The following RNGTT variants were observed in gnomAD, a reference collection of about 807,000 sequenced individuals.
RNGTT encodes the protein RNA guanylyltransferase and 5'-phosphatase, also known as mRNA-capping enzyme.
In RNGTT, 33 loss-of-function variants were observed where a neutral mutation model predicts 79.3. The observed-to-expected ratio is 0.42, with a 90% CI of 0.32 to 0.56. RNGTT has a LOEUF of 0.56. RNGTT is among the 20% of genes least tolerant of loss of function. The probability of loss-of-function intolerance (pLI) is 0.17; values close to 1 mark genes in which losing one functional copy is unlikely to be tolerated. For missense variants in RNGTT, 497 were observed against 739.1 expected (o/e 0.67, Z 3.80); for synonymous variants, 222 against 235.9 (o/e 0.94, Z 0.54).
At chr6:88,893,872 T>G (rs1047175034) in intron 6 of RNGTT, among the ~76,000 whole-genome samples, 2 of 152,182 alleles carry the variant, frequency 1.3e-5, no homozygotes, top group African/African-American at 2.4e-5. Context: ...TAGGCTAACA[T>G]AATTTGCTAT....
chr6:88,935,235 G>A (rs1784629828), intron 2 of RNGTT, among the ~76,000 whole-genome samples: 1 of 152,136 alleles, frequency 6.6e-6, no homozygotes, highest in African/African-American at 2.4e-5. Context: ...TCAGTTGGCT[G>A]TAAATGCATG....
chr6:88,897,504 C>T (rs1486885804), intron 6 of RNGTT, among the ~76,000 whole-genome samples: 1 of 152,172 alleles, frequency 6.6e-6, no homozygotes. Context: ...ACTTCACTAG[C>T]TCCTTATCCA....
At chr6:88,961,440 CT>C (rs1269934487) in intron 1 of RNGTT, among the ~76,000 whole-genome samples, 3,976 of 144,480 alleles carry the variant, frequency 0.028, 133 homozygotes, top group African/African-American at 0.089. Context: ...GTACAAATTA[CT>C]TTTTTTTTTT....
In RNGTT at chr6:88,941,981, C is replaced by T. The variant is rs537917605; in HGVS notation, c.65-801G>A. ...GACTGCAGGTGCACACCACCATAAC[C>T]AGCTAATTTTTTTGCTGGGGGGAGC... On this transcript the variant is annotated intron_variant, in intron 1 of 15. Coordinates refer to ENST00000369485, the MANE Select transcript of RNGTT (RefSeq NM_003800.5). Among the ~76,000 whole-genome samples, 143 of 152,148 alleles carry T rather than the reference C, an allele frequency of 9.4e-4. 6 individuals carry two copies. In the South Asian group the frequency reaches 0.029, roughly 31 times the overall value.
chr6:88,642,366 T>A (rs1265476798), intron 14 of RNGTT, among the ~76,000 whole-genome samples: 1 of 152,198 alleles, frequency 6.6e-6, no homozygotes. Context: ...CAGAACACTT[T>A]AAGAAGGTAG....
chr6:88,877,710 T>G (rs1330682601), intron 8 of RNGTT, among the ~76,000 whole-genome samples: 1 of 152,144 alleles, frequency 6.6e-6, no homozygotes, highest in African/African-American at 2.4e-5. Context: ...GTCCTTCTTT[T>G]TAAACCAATT....
intron 12 of RNGTT, among the ~76,000 whole-genome samples, chr6:88,771,403 A>G (rs893075208): frequency 5.4e-5 from 8 of 148,642 alleles, no homozygotes; most frequent in Admixed American, 6.7e-5. Context: ...TTGCATTAAC[A>G]TATATGTCTT....
rs192564947 is a variant in RNGTT, at chr6:88,811,446, T to C, written c.1270-9814A>G. Among the ~76,000 whole-genome samples the C allele has an allele frequency of 7.2e-5, 11 of 152,266 alleles. No individual in the cohort carries two copies. The East Asian group carries it at 1.9e-3, about 27-fold the overall frequency. ...GGAGGAACTGACAAAGGTTACCATA[T>C]GATTGACTCTGAGTTGATGTTTTAT... is the stretch of plus-strand genomic sequence containing the variant. On this transcript the variant is annotated intron_variant, in intron 11 of 15. Transcript: ENST00000369485.
chr6:88,912,618 A>C (rs73506539), intron 4 of RNGTT, among the ~76,000 whole-genome samples: 1,808 of 152,264 alleles, frequency 0.012, 34 homozygotes, highest in African/African-American at 0.042. Flanking sequence ...TGGAAAGGAT[A>C]AACAAGATTG....
At chr6:88,935,468 C>T (rs1329785441) in intron 2 of RNGTT, among the ~76,000 whole-genome samples, 2 of 152,118 alleles carry the variant, frequency 1.3e-5, no homozygotes, top group South Asian at 4.2e-4. Flanking sequence ...AATCCTAGCA[C>T]ATTGGGAGGC....
intron 12 of RNGTT, among the ~76,000 whole-genome samples, chr6:88,778,337 A>G (rs2127847741): frequency 6.6e-6 from 1 of 152,310 alleles, no homozygotes; most frequent in East Asian, 1.9e-4. Flanking sequence ...GTGCTAAAGG[A>G]GAGGCAAGTC....
intron 13 of RNGTT, among the ~76,000 whole-genome samples, chr6:88,766,057 T>C (rs1291917739): frequency 6.6e-6 from 1 of 152,114 alleles, no homozygotes; most frequent in Non-Finnish European, 1.5e-5. Flanking sequence ...ATAAAAATAA[T>C]GGCAAATATT....
At chr6:88,780,103 A>G (rs531524571) in intron 12 of RNGTT, among the ~76,000 whole-genome samples, 16 of 152,340 alleles carry the variant, frequency 1.1e-4, no homozygotes, top group African/African-American at 3.8e-4. Context: ...AGTAAAATAT[A>G]TTGAAATACC....
chr6:88,791,304 AT>A (rs919677089), intron 12 of RNGTT, among the ~76,000 whole-genome samples: 3 of 151,792 alleles, frequency 2.0e-5, no homozygotes, highest in Non-Finnish European at 2.9e-5. Context: ...TGCCTGGCTA[AT>A]TTTTTTCATT....
intron 14 of RNGTT, among the ~76,000 whole-genome samples, chr6:88,637,562 A>G (rs147492063): frequency 2.0e-5 from 3 of 152,238 alleles, no homozygotes; most frequent in Non-Finnish European, 2.9e-5. Context: ...CTTTCTGGAA[A>G]TGTATACCAA....
chr6:88,741,415 C>T (rs1225372562), intron 13 of RNGTT, among the ~76,000 whole-genome samples: 2 of 151,892 alleles, frequency 1.3e-5, no homozygotes, highest in Non-Finnish European at 2.9e-5. Context: ...AAGATGGTAA[C>T]CATAGACAAT....
chr6:88,664,396 G>T (rs1179864148), intron 14 of RNGTT, among the ~76,000 whole-genome samples: 1 of 152,302 alleles, frequency 6.6e-6, no homozygotes, highest in South Asian at 2.1e-4. Flanking sequence ...TTAGGAGAAA[G>T]CTGAAGAAAC....
rs148290756 is a variant in RNGTT, at chr6:88,952,311, C to A, written c.64+11035G>T. On this transcript the variant is annotated intron_variant, in intron 1 of 15. Transcript: ENST00000369485. ...AGCCCATATCCACCTAATCCTTCCC[C>A]TACCTGATGGTATTTCTCTACCTGC... Among the ~76,000 whole-genome samples the A allele has an allele frequency of 1.4e-4, 22 of 152,320 alleles. No homozygotes were observed. The East Asian group carries it at 4.1e-3, about 28-fold the overall frequency.
Position 88,956,868 on chromosome 6 carries a change from G to A in RNGTT, c.64+6478C>T, listed in dbSNP as rs189361090. Among the ~76,000 whole-genome samples the A allele has an allele frequency of 1.0e-3, 159 of 151,988 alleles. 1 individual carries two copies. The highest frequency in any genetic ancestry group is 9.8e-3 in the Admixed American group (150 of 15,264). On this transcript the variant is annotated intron_variant, in intron 1 of 15. Coordinates refer to ENST00000369485, the MANE Select transcript of RNGTT (RefSeq NM_003800.5). ...AGCCTGGCCAACGTGGTGAAACCCC[G>A]CTTCTATTAAAAATACAAAAATTAG...
Sources: gnomAD v4.1 joint callset for allele counts (sites outside exome capture counted in the v4.1 genomes callset) on GRCh38, gnomAD v4.1.1 for gene constraint, MANE v1.5 for transcripts, NCBI Gene and HGNC (gene_info 2026-07-23, HGNC 2026-07-21) for gene names.